DCC: variants seen among roughly 807,000 people sequenced by gnomAD.
The protein encoded by DCC is DCC netrin 1 receptor.
A neutral mutation model predicts 172.5 loss-of-function variants in DCC; 58 were observed. The observed-to-expected ratio is 0.34, with a 90% CI of 0.27 to 0.42. The LOEUF is 0.42. Among genes scored for constraint, DCC ranks in the 10% least tolerant of loss-of-function variants. DCC has a pLI of 1.00. For synonymous variants in DCC, 709 were observed against 644.5 expected (o/e 1.10, Z -1.52); for missense variants, 1,740 against 1,791.0 (o/e 0.97, Z 0.51).
intron 1 of DCC, among the ~76,000 whole-genome samples, chr18:52,736,333 A>C (rs2036729044): frequency 6.6e-6 from 1 of 152,060 alleles, no homozygotes; most frequent in African/African-American, 2.4e-5. Flanking sequence ...TACAACACAA[A>C]CCCTCAGCAA....
At chr18:52,949,885 A>G (rs960972961) in intron 5 of DCC, among the ~76,000 whole-genome samples, 3 of 152,134 alleles carry the variant, frequency 2.0e-5, no homozygotes, top group African/African-American at 7.2e-5. Flanking sequence ...TTTAGTCTCA[A>G]TTTGAGTTTA....
chr18:53,479,195 A>T (rs2045802950), intron 25 of DCC, among the ~76,000 whole-genome samples: 1 of 152,238 alleles, frequency 6.6e-6, no homozygotes, highest in Non-Finnish European at 1.5e-5. Context: ...ATTAGAAATG[A>T]TCTCATTACC....
At chr18:52,832,781 G>A (rs922697141) in intron 2 of DCC, among the ~76,000 whole-genome samples, 10 of 152,204 alleles carry the variant, frequency 6.6e-5, no homozygotes, top group Middle Eastern at 3.4e-3. Flanking sequence ...TGTAGCTATG[G>A]ACCAAGTGGC....
At chr18:53,297,203 TG>T (rs2057078102) in intron 12 of DCC, among the ~76,000 whole-genome samples, 1 of 152,222 alleles carries the variant, frequency 6.6e-6, no homozygotes, top group Non-Finnish European at 1.5e-5. Context: ...AGTGTTTTAA[TG>T]GATCCCAGGA....
At chr18:52,884,837 C>T (rs958739222) in intron 2 of DCC, among the ~76,000 whole-genome samples, 5 of 152,028 alleles carry the variant, frequency 3.3e-5, no homozygotes, top group Admixed American at 1.3e-4. Flanking sequence ...TGCCTGTTCT[C>T]CTTGGGAAGG....
intron 8 of DCC, among the ~76,000 whole-genome samples, chr18:53,160,037 G>C (rs1482500618): frequency 6.6e-6 from 1 of 152,104 alleles, no homozygotes; most frequent in Non-Finnish European, 1.5e-5. Context: ...GAAAGGGAAG[G>C]AGAAGGGGAA....
chr18:52,810,567 C>G (rs932125978), intron 2 of DCC, among the ~76,000 whole-genome samples: 2 of 152,106 alleles, frequency 1.3e-5, no homozygotes, highest in African/African-American at 4.8e-5. Context: ...TCCCCCTACC[C>G]AAAGGTGGGA....
At chr18:53,434,319 T>C (rs1911808058) in intron 21 of DCC, among the ~76,000 whole-genome samples, 1 of 152,172 alleles carries the variant, frequency 6.6e-6, no homozygotes, top group Non-Finnish European at 1.5e-5. Flanking sequence ...ATGTTTTACA[T>C]AAGTAGTCTA....
intron 27 of DCC, among the ~76,000 whole-genome samples, chr18:53,504,639 A>C (rs1218153435): frequency 6.6e-6 from 1 of 152,196 alleles, no homozygotes; most frequent in African/African-American, 2.4e-5. Flanking sequence ...AAATTTAAGT[A>C]TCAATAATGT....
Position 53,402,669 on chromosome 18 carries a change from A to G in DCC, c.2828-117A>G, listed in dbSNP as rs1599110388. On this transcript the variant is annotated intron_variant, in intron 18 of 28. Transcript: ENST00000442544. ...CTTGAAATAAACTGTAAATGGCAAA[A>G]TAGACATGATATACTTCTTGATAGA... 5 of 819,034 alleles carry G rather than the reference A, an allele frequency of 6.1e-6. No individual in the cohort carries two copies. In the East Asian group the frequency reaches 9.7e-5, roughly 16 times the overall value. 50.7% of individuals were successfully genotyped at this position (819,034 alleles called of 1,614,324 possible). A position where few individuals can be genotyped will look rare whatever the true frequency, so the allele number is the denominator to read the frequency against.
At chr18:52,976,999 A>G (rs2041128847) in intron 5 of DCC, among the ~76,000 whole-genome samples, 1 of 152,220 alleles carries the variant, frequency 6.6e-6, no homozygotes, top group South Asian at 2.1e-4. Flanking sequence ...CTCTGTGTCA[A>G]TCACTATTCT....
At chr18:53,048,425 C>G (rs1183166449) in intron 5 of DCC, among the ~76,000 whole-genome samples, 1 of 151,298 alleles carries the variant, frequency 6.6e-6, no homozygotes, top group Non-Finnish European at 1.5e-5. Context: ...TGGCCTTCGA[C>G]TCCATCCACG....
intron 12 of DCC, among the ~76,000 whole-genome samples, chr18:53,286,311 G>A (rs1284486960): frequency 6.6e-6 from 1 of 152,106 alleles, no homozygotes; most frequent in African/African-American, 2.4e-5. Context: ...AATCATGGGG[G>A]CAGGTCTTTC....
intron 1 of DCC, among the ~76,000 whole-genome samples, chr18:52,577,842 C>T (rs909568587): frequency 2.0e-5 from 3 of 152,148 alleles, no homozygotes; most frequent in African/African-American, 7.2e-5. Context: ...GAAAGGGAAC[C>T]TTCAAGAGAT....
At chr18:52,908,721 G>A (rs180974608) in intron 3 of DCC, among the ~76,000 whole-genome samples, 4 of 152,168 alleles carry the variant, frequency 2.6e-5, no homozygotes, top group East Asian at 1.9e-4. Context: ...GCCAAATTTT[G>A]TTTTCTTAAT....
At chr18:53,243,432 TC>T (rs1460370626) in intron 12 of DCC, among the ~76,000 whole-genome samples, 1 of 152,108 alleles carries the variant, frequency 6.6e-6, no homozygotes. Context: ...ACATTGAAAA[TC>T]ATTTCAAAGG....
At chr18:52,389,873 C>G (rs1426479172) in intron 1 of DCC, among the ~76,000 whole-genome samples, 1 of 152,018 alleles carries the variant, frequency 6.6e-6, no homozygotes, top group Admixed American at 6.6e-5. Flanking sequence ...TTGATTGATT[C>G]AATGAATAAA....
chr18:53,004,377 G>A (rs1252496744), intron 5 of DCC, among the ~76,000 whole-genome samples: 1 of 152,160 alleles, frequency 6.6e-6, no homozygotes, highest in Non-Finnish European at 1.5e-5. Flanking sequence ...CTGTGTGTAT[G>A]TGTATGTGTT....
intron 12 of DCC, among the ~76,000 whole-genome samples, chr18:53,284,756 G>C (rs1197743088): frequency 6.6e-6 from 1 of 152,112 alleles, no homozygotes; most frequent in Non-Finnish European, 1.5e-5. Flanking sequence ...GGAAAATGCG[G>C]GAAAATTTGG....
Sources: allele counts gnomAD v4.1 joint callset (sites outside exome capture counted in the v4.1 genomes callset), GRCh38; gene constraint gnomAD v4.1.1; transcripts MANE v1.5; gene names NCBI Gene and HGNC (gene_info 2026-07-23, HGNC 2026-07-21).